The following GHR variants were observed in gnomAD, a reference collection of about 807,000 sequenced individuals.
The protein encoded by GHR is growth hormone receptor, also known as GH receptor.
Under a neutral mutation model 67.1 loss-of-function variants are expected in GHR, and 35 were observed. That is an observed-to-expected ratio of 0.52 (90% CI 0.40 to 0.69). GHR has a LOEUF of 0.69. Among genes scored for constraint, GHR ranks in the 30% least tolerant of loss-of-function variants. The pLI is 0.00. For synonymous variants in GHR, 272 were observed against 269.1 expected, an observed-to-expected ratio of 1.01 and a Z score of -0.10; for missense variants, 792 against 764.6, an observed-to-expected ratio of 1.04 and a Z score of -0.42.
At chr5:42,667,149 A>T (rs778657771) in intron 3 of GHR, among the ~76,000 whole-genome samples, 3 of 152,178 alleles carry the variant, frequency 2.0e-5, no homozygotes, top group Non-Finnish European at 4.4e-5. Context: ...AACCCCTGTA[A>T]CACAGCCGTG....
At chr5:42,578,889 A>G (rs1750916787) in intron 2 of GHR, among the ~76,000 whole-genome samples, 1 of 152,108 alleles carries the variant, frequency 6.6e-6, no homozygotes, top group Non-Finnish European at 1.5e-5. Flanking sequence ...AAAAAATACA[A>G]CTCAGATTTC....
At chr5:42,625,209 G>A (rs922493521) in intron 2 of GHR, among the ~76,000 whole-genome samples, 1 of 152,108 alleles carries the variant, frequency 6.6e-6, no homozygotes, top group Admixed American at 6.5e-5. Flanking sequence ...ATGGGAATGA[G>A]TCAGCTCACT....
Position 42,593,728 on chromosome 5 carries a change from G to T in GHR, c.70+27784G>T, listed in dbSNP as rs139448930. Among the ~76,000 whole-genome samples, 599 of 152,222 alleles carry T rather than the reference G, an allele frequency of 3.9e-3. 4 individuals carry two copies. The highest frequency in any genetic ancestry group is 0.014 in the African/African-American group (578 of 41,530). On this transcript the variant is annotated intron_variant, in intron 2 of 9. Coordinates refer to ENST00000230882, the MANE Select transcript of GHR (RefSeq NM_000163.5). ...GGAATGTCCTTAAGTAGAAATAGATGGTGATTTCAGATATTTGATCCAAAC... is the reference window on the plus strand; with the variant it reads ...GGAATGTCCTTAAGTAGAAATAGATTGTGATTTCAGATATTTGATCCAAAC...
intron 3 of GHR, chr5:42,659,453 G>C (rs1270493915): frequency 6.6e-6 from 1 of 152,172 alleles, no homozygotes; most frequent in African/African-American, 2.4e-5. Context: ...GGGCCCTTGA[G>C]TATCTATGAA....
intron 5 of GHR, among the ~76,000 whole-genome samples, chr5:42,697,871 G>A (rs187882769): frequency 2.0e-5 from 3 of 152,296 alleles, no homozygotes; most frequent in African/African-American, 7.2e-5. Flanking sequence ...ACAGTGGGGA[G>A]ACAAATGAAG....
chr5:42,658,118 T>A lies in GHR; in HGVS notation c.136+29015T>A, dbSNP rs114541529. On this transcript the variant is annotated intron_variant, in intron 3 of 9. Coordinates refer to ENST00000230882, the MANE Select transcript of GHR (RefSeq NM_000163.5). ...GGGTAAAAGAGGAAGTACAAAACTATCTCAAATCAAGTACAGGACTCTTAA... is the reference window on the plus strand; with the variant it reads ...GGGTAAAAGAGGAAGTACAAAACTAACTCAAATCAAGTACAGGACTCTTAA... Among the ~76,000 whole-genome samples, 1,463 of 152,136 alleles carry A rather than the reference T, an allele frequency of 9.6e-3. 26 individuals carry two copies. The highest frequency in any genetic ancestry group is 0.034 in the African/African-American group (1,393 of 41,488).
chr5:42,644,665 T>C (rs1365281456), intron 3 of GHR, among the ~76,000 whole-genome samples: 1 of 151,966 alleles, frequency 6.6e-6, no homozygotes, highest in Non-Finnish European at 1.5e-5. Flanking sequence ...AATGAGAAAG[T>C]TTTTAGCTTT....
intron 1 of GHR, among the ~76,000 whole-genome samples, chr5:42,562,292 A>G (rs1231044299): frequency 6.6e-6 from 1 of 152,168 alleles, no homozygotes; most frequent in African/African-American, 2.4e-5. Context: ...AGGAGTGCAG[A>G]TGGGGCTACT....
intron 1 of GHR, chr5:42,468,913 G>T: frequency 1.7e-6 from 1 of 590,542 alleles, no homozygotes. Context: ...AGCGGGCTGC[G>T]CCGAGCCAAG....
chr5:42,693,142 C>CT lies in GHR; in HGVS notation c.267-1762dup, dbSNP rs5867597. The stretch of plus-strand genomic sequence containing the variant: ...GAATCTCTCATTCAAGCATATGCAA[C>CT]TTTTTTTTTTTTTGAGATGGAGTCT... On this transcript the variant is annotated intron_variant, in intron 4 of 9. Transcript: ENST00000230882. Among the ~76,000 whole-genome samples the CT allele has an allele frequency of 4.1e-4, 60 of 147,568 alleles. No individual in the cohort carries two copies. In the East Asian group the frequency reaches 5.2e-3, roughly 13 times the overall value.
intron 8 of GHR, among the ~76,000 whole-genome samples, chr5:42,717,240 A>G (rs565729823): frequency 6.6e-6 from 1 of 152,290 alleles, no homozygotes; most frequent in East Asian, 1.9e-4. Context: ...TTGAGGCTGC[A>G]GTGAATTATG....
At chr5:42,475,452 G>A (rs1352915454) in intron 1 of GHR, among the ~76,000 whole-genome samples, 1 of 151,890 alleles carries the variant, frequency 6.6e-6, no homozygotes, top group Non-Finnish European at 1.5e-5. Flanking sequence ...TATAAAAATT[G>A]CAAAACATAA....
intron 2 of GHR, among the ~76,000 whole-genome samples, chr5:42,590,089 C>T (rs1751696613): frequency 6.6e-6 from 1 of 152,134 alleles, no homozygotes; most frequent in Non-Finnish European, 1.5e-5. Context: ...ATCCTAGCTT[C>T]ACTGAAAAGA....
rs1047237706 is a variant in GHR, at chr5:42,574,597, G to A, written c.70+8653G>A. ...ATGGGTGTGAAAGGCAAAAGTATAA[G>A]TGCTCCCCAGTATGACCTGGCTATT... On this transcript the variant is annotated intron_variant, in intron 2 of 9. Transcript: ENST00000230882. Among the ~76,000 whole-genome samples the A allele has an allele frequency of 2.0e-5, 3 of 152,236 alleles. No homozygotes were observed. The South Asian group carries it at 6.2e-4, about 32-fold the overall frequency.
chr5:42,495,764 T>C (rs142884819), intron 1 of GHR, among the ~76,000 whole-genome samples: 300 of 152,216 alleles, frequency 2.0e-3, no homozygotes, highest in Non-Finnish European at 3.5e-3. Flanking sequence ...CTAATGGAGG[T>C]GAACTCAGGA....
At chr5:42,505,122 G>GTTTTTTTTTTT (rs35690685) in intron 1 of GHR, among the ~76,000 whole-genome samples, 1 of 134,894 alleles carries the variant, frequency 7.4e-6, no homozygotes, top group Non-Finnish European at 1.6e-5. Context: ...GCTGTTGACT[G>GTTTTTTTTTTT]TTTTTTTTTT....
At chr5:42,635,216 G>A (rs1247102556) in intron 3 of GHR, among the ~76,000 whole-genome samples, 1 of 152,148 alleles carries the variant, frequency 6.6e-6, no homozygotes, top group Non-Finnish European at 1.5e-5. Flanking sequence ...CTAGTGCTCA[G>A]CCTTTCCTGA....
chr5:42,638,525 G>T lies in GHR; in HGVS notation c.136+9422G>T, dbSNP rs1754313534. Among the ~76,000 whole-genome samples the T allele has an allele frequency of 2.6e-5, 4 of 152,224 alleles. No individual in the cohort carries two copies. In the South Asian group the frequency reaches 8.3e-4, roughly 32 times the overall value. ...TTATGATATAGTCTATTGTTCCTAG[G>T]CTACAAATCTATACAGCATGTTACT... is the stretch of plus-strand genomic sequence containing the variant. On this transcript the variant is annotated intron_variant, in intron 3 of 9. Transcript: ENST00000230882.
intron 2 of GHR, among the ~76,000 whole-genome samples, chr5:42,579,151 TA>T (rs1170344937): frequency 1.1e-5 from 1 of 88,248 alleles, no homozygotes; most frequent in Non-Finnish European, 2.4e-5. Flanking sequence ...GATAGATAGA[TA>T]TAGATAGATA....
Sources: allele counts gnomAD v4.1 joint callset (sites outside exome capture counted in the v4.1 genomes callset), GRCh38; gene constraint gnomAD v4.1.1; transcripts MANE v1.5; gene names NCBI Gene and HGNC (gene_info 2026-07-23, HGNC 2026-07-21).